Variants in OVOL2 observed in about 807,000 individuals in gnomAD.
OVOL2 encodes transcription factor Ovo-like 2.
A neutral mutation model predicts 18.1 loss-of-function variants in OVOL2; 13 were observed. That is an observed-to-expected ratio of 0.72 (90% confidence interval 0.47 to 1.14). OVOL2 has a LOEUF of 1.14. Ranked by LOEUF, OVOL2 falls within the 50% of genes most tolerant of loss-of-function variation. The pLI is 0.00. For synonymous variants in OVOL2, 166 were observed against 162.7 expected (o/e 1.02, Z -0.16); for missense variants, 335 against 383.0 (o/e 0.87, Z 1.05).
rs1267999781 is a variant in OVOL2, at chr20:18,057,656, T to A, written c.-22A>T. On this transcript the variant is annotated 5_prime_UTR_variant, in exon 1 of 4. Transcript: ENST00000278780. This position sits in a 1 kb window ranked among gnomAD's most constrained non-coding sequence, Gnocchi z 6.3. ...GCATGGTGGGGTCCCCTCTCCCGAC[T>A]GCGGCCCCCTCCTCCCGGCTGCTCC... 5 of 1,549,708 alleles carry A rather than the reference T, an allele frequency of 3.2e-6. No homozygotes were observed. Among genetic ancestry groups the A allele is most frequent in the Non-Finnish European group, 4.4e-6 (5 of 1,146,862 alleles).
At chr20:18,049,553 C>CCG (rs1555796093) in intron 2 of OVOL2, among the ~76,000 whole-genome samples, 1 of 149,982 alleles carries the variant, frequency 6.7e-6, no homozygotes, top group East Asian at 1.9e-4. Flanking sequence ...ATTCAGATTC[C>CCG]CCCCCCGATC....
At chr20:18,041,009 G>A (rs375048334) in intron 3 of OVOL2, among the ~76,000 whole-genome samples, 9 of 152,238 alleles carry the variant, frequency 5.9e-5, no homozygotes, top group Admixed American at 2.0e-4. Flanking sequence ...TTTGAGCCTC[G>A]CTAGAACTCA....
At chr20:18,054,729 G>A (rs2036801155) in intron 2 of OVOL2, among the ~76,000 whole-genome samples, 1 of 140,240 alleles carries the variant, frequency 7.1e-6, no homozygotes, top group Admixed American at 7.7e-5. Context: ...TCCAGCCATT[G>A]CACTCCAGCC....
rs201060265 is a variant in OVOL2, at chr20:18,057,653, G to T, written c.-19C>A. On this transcript the variant is annotated 5_prime_UTR_variant, in exon 1 of 4. Transcript: ENST00000278780. This position sits in a 1 kb window ranked among gnomAD's most constrained non-coding sequence, Gnocchi z 6.3. Reference sequence around the variant, plus strand: ...TGGGCATGGTGGGGTCCCCTCTCCCGACTGCGGCCCCCTCCTCCCGGCTGC... The same window carrying T: ...TGGGCATGGTGGGGTCCCCTCTCCCTACTGCGGCCCCCTCCTCCCGGCTGC... 5.8e-6 allele frequency: 9 copies of T among 1,553,724 alleles called. No homozygotes were observed. The Admixed American group carries it at 5.8e-5, about 10-fold the overall frequency.
intron 2 of OVOL2, among the ~76,000 whole-genome samples, chr20:18,051,664 A>T (rs2036772428): frequency 6.6e-6 from 1 of 152,194 alleles, no homozygotes. Context: ...TATATTCTGT[A>T]CTGTCCAGTA....
intron 2 of OVOL2, among the ~76,000 whole-genome samples, chr20:18,054,373 G>C (rs1396011690): frequency 6.6e-6 from 1 of 152,218 alleles, no homozygotes; most frequent in Non-Finnish European, 1.5e-5. Context: ...TGTTAGACGG[G>C]CAGAGTGTTG....
chr20:18,056,967 GC>G lies in OVOL2; in HGVS notation c.101-91del. ...TTGACCTGCGGGCGGTGCTGCCGCC[GC>G]CCCGCCCCGGACCTGGGCACCTCGC... On this transcript the variant is annotated intron_variant, in intron 1 of 3. Coordinates refer to ENST00000278780, the MANE Select transcript of OVOL2 (RefSeq NM_021220.4). The surrounding 1 kb of genome is among the most constrained non-coding windows in gnomAD (Gnocchi z 4.2). 7.4e-7 allele frequency: 1 copy of G among 1,350,306 alleles called. No individual in the cohort carries two copies. Among genetic ancestry groups the G allele is most frequent in the Non-Finnish European group, 9.5e-7 (1 of 1,051,166 alleles). The allele number at this position is 1,350,306 out of a possible 1,614,324, so 83.6% of individuals were successfully genotyped here. A position where few individuals can be genotyped will look rare whatever the true frequency, so the allele number is the denominator to read the frequency against.
chr20:18,049,621 C>T (rs2036754816), intron 2 of OVOL2, among the ~76,000 whole-genome samples: 1 of 151,670 alleles, frequency 6.6e-6, no homozygotes, highest in South Asian at 2.1e-4. Flanking sequence ...GGAGAGCCTT[C>T]TCAAATGCAG....
intron 2 of OVOL2, among the ~76,000 whole-genome samples, chr20:18,046,628 C>T (rs538674641): frequency 1.3e-4 from 20 of 152,174 alleles, no homozygotes; most frequent in Non-Finnish European, 2.2e-4. Context: ...TCTCTCCAGA[C>T]GCCAGACCTG....
chr20:18,034,487 T>C (rs1184053684), intron 3 of OVOL2, among the ~76,000 whole-genome samples: 1 of 152,190 alleles, frequency 6.6e-6, no homozygotes, highest in Non-Finnish European at 1.5e-5. Flanking sequence ...GGAAGCCGCT[T>C]CCAAACCCCA....
rs1234085563 is a variant in OVOL2, at chr20:18,047,608, C to T, written c.322-5885G>A. 6.1e-5 allele frequency among the ~76,000 whole-genome samples: 9 copies of T among 148,558 alleles called. 1 individual carries two copies. Among genetic ancestry groups the T allele is most frequent in the Non-Finnish European group, 1.2e-4 (8 of 67,104 alleles). On this transcript the variant is annotated intron_variant, in intron 2 of 3. Transcript: ENST00000278780. ...GTGGCTCACACCTGTAATCCTAGTA[C>T]TTTGGGAGGCCAAGGCCGGTGGATC...
chr20:18,031,165 A>G (rs1409701033), intron 3 of OVOL2, among the ~76,000 whole-genome samples: 1 of 152,202 alleles, frequency 6.6e-6, no homozygotes, highest in Non-Finnish European at 1.5e-5. Context: ...TGTGAGTCCA[A>G]GGCCACCGAA....
rs56351648 is a variant in OVOL2, at chr20:18,035,608, G to A, written c.511+5926C>T. Among the ~76,000 whole-genome samples the A allele has an allele frequency of 1.7e-3, 252 of 152,338 alleles. 1 individual carries two copies. The highest frequency in any genetic ancestry group is 5.7e-3 in the African/African-American group (239 of 41,576). ...GCACTTTGTACCAACTGTCTCTTTT[G>A]GACAGAGCTGAAGAGATGGCTCGGC... On this transcript the variant is annotated intron_variant, in intron 3 of 3. Transcript: ENST00000278780.
At chr20:18,037,272 A>G (rs1457006099) in intron 3 of OVOL2, among the ~76,000 whole-genome samples, 1 of 152,166 alleles carries the variant, frequency 6.6e-6, no homozygotes, top group Non-Finnish European at 1.5e-5. Flanking sequence ...AAGACCATGA[A>G]CTTCAGGGCC....
chr20:18,024,767 C>T lies in OVOL2; in HGVS notation c.697G>A (p.Val233Met), dbSNP rs2036494930. 3.7e-6 allele frequency: 6 copies of T among 1,614,100 alleles called. No individual in the cohort carries two copies. The highest frequency in any genetic ancestry group is 2.2e-5 in the East Asian group (1 of 44,904). The change falls in exon 4 of 4, where the codon GTG becomes ATG. Residue 233 changes from valine to methionine, a missense_variant. Transcript: ENST00000278780. ...GAGCTGCCCGGATGGGCACTGTTCA[C>T]GTGCAGGTACAGGTCCTCCTGGGTG... ...GPTQEDLYLHVNSAHPGSSFL... is the reference protein window; with the variant it reads ...GPTQEDLYLHMNSAHPGSSFL...
chr20:18,035,344 C>T (rs539529172), intron 3 of OVOL2, among the ~76,000 whole-genome samples: 1 of 152,316 alleles, frequency 6.6e-6, no homozygotes, highest in South Asian at 2.1e-4. Flanking sequence ...CCAGCTACAG[C>T]TACCTGGGAG....
At position 18,035,117 on chromosome 20, in the gene OVOL2, A is replaced by C. The variant is rs541793791; in HGVS notation, c.511+6417T>G. Among the ~76,000 whole-genome samples the C allele has an allele frequency of 1.1e-4, 16 of 152,318 alleles. No individual in the cohort carries two copies. In the South Asian group the frequency reaches 3.3e-3, roughly 32 times the overall value. The stretch of plus-strand genomic sequence containing the variant: ...CTAAATACAACATTTACTTATAAGA[A>C]CCAATAGCAAAAATACAACACTCAC... On this transcript the variant is annotated intron_variant, in intron 3 of 3. Coordinates refer to ENST00000278780, the MANE Select transcript of OVOL2 (RefSeq NM_021220.4).
At chr20:18,042,343 T>C (rs1173576938) in intron 2 of OVOL2, among the ~76,000 whole-genome samples, 3 of 152,184 alleles carry the variant, frequency 2.0e-5, no homozygotes, top group African/African-American at 7.2e-5. Context: ...AAATGTCTTG[T>C]TGAAATGTGA....
intron 2 of OVOL2, among the ~76,000 whole-genome samples, chr20:18,049,464 T>C (rs1330577104): frequency 6.6e-6 from 1 of 152,192 alleles, no homozygotes; most frequent in Non-Finnish European, 1.5e-5. Flanking sequence ...TGGTGGCCAT[T>C]TGGACCAGAT....
Sources: gnomAD v4.1 joint callset for allele counts (sites outside exome capture counted in the v4.1 genomes callset) on GRCh38, gnomAD v4.1.1 for gene constraint, Gnocchi (gnomAD v3.1) non-coding constraint, MANE v1.5 for transcripts, NCBI Gene and HGNC (gene_info 2026-07-23, HGNC 2026-07-21) for gene names.